The following CLOCK variants were observed in gnomAD, a reference collection of about 807,000 sequenced individuals.
CLOCK encodes the protein clock circadian regulator.
In CLOCK, 43 loss-of-function variants were observed where a neutral mutation model predicts 118.4. The ratio of observed to expected loss-of-function variants is 0.36; its 90% confidence interval spans 0.28 to 0.47. CLOCK has a LOEUF of 0.47. Among genes scored for constraint, CLOCK ranks in the 20% least tolerant of loss-of-function variants. The pLI, the probability that CLOCK is intolerant of heterozygous loss-of-function variation, is 1.00. For missense variants in CLOCK, 846 were observed against 999.9 expected, an observed-to-expected ratio of 0.85 and a Z score of 2.08; for synonymous variants, 326 against 339.2, an observed-to-expected ratio of 0.96 and a Z score of 0.43.
Position 55,476,068 on chromosome 4 carries a change from G to A in CLOCK, c.257-14C>T. The A allele has an allele frequency of 2.5e-6, 4 of 1,585,522 alleles. No homozygotes were observed. Among genetic ancestry groups the A allele is most frequent in the South Asian group, 1.1e-5 (1 of 90,288 alleles). On this transcript the variant is annotated splice_polypyrimidine_tract_variant and intron_variant, in intron 6 of 22. Coordinates refer to ENST00000513440, the MANE Select transcript of CLOCK (RefSeq NM_004898.4). ...GTGCAGTGATTTCTGTAAACAGATTGACATATTAGTGGCATACTCCAACCA... is the reference window on the plus strand; with the variant it reads ...GTGCAGTGATTTCTGTAAACAGATTAACATATTAGTGGCATACTCCAACCA...
At chr4:55,525,438 G>A (rs547105586) in intron 1 of CLOCK, among the ~76,000 whole-genome samples, 2 of 152,244 alleles carry the variant, frequency 1.3e-5, no homozygotes, top group East Asian at 1.9e-4. Context: ...TCACACCACT[G>A]CACTCCAGCC....
chr4:55,496,642 T>C (rs1360942777), intron 2 of CLOCK, among the ~76,000 whole-genome samples: 2 of 152,194 alleles, frequency 1.3e-5, no homozygotes, highest in Non-Finnish European at 2.9e-5. Context: ...ATGCAAATAA[T>C]GAAAAACTTG....
In CLOCK at chr4:55,463,796, C is replaced by G. The variant is rs757173076; in HGVS notation, c.448G>C (p.Val150Leu). 1.9e-6 allele frequency: 3 copies of G among 1,608,754 alleles called. No individual in the cohort carries two copies. The Admixed American group carries it at 5.0e-5, about 27-fold the overall frequency. ...ATAAAATTAAATATACTTTGATCCA[C>G]AAGATCAGACTGAAAAGAAAATTGT... Reference protein sequence around the residue: ...SLLEHLPSDLVDQSIFNFIPE... With the variant: ...SLLEHLPSDLLDQSIFNFIPE... The change falls in exon 9 of 23, where the codon GTG becomes CTG. Residue 150 changes from valine (V) to leucine (L), a missense_variant. Physicochemically the swap from Val to Leu is conservative, Grantham distance 32. Transcript: ENST00000513440.
intron 8 of CLOCK, among the ~76,000 whole-genome samples, chr4:55,470,430 C>T (rs536740486): frequency 2.8e-4 from 43 of 152,218 alleles, no homozygotes; most frequent in African/African-American, 8.7e-4. Flanking sequence ...GGTTACACAT[C>T]GAGGTTTTTA....
Position 55,522,504 on chromosome 4 carries a change from T to TA in CLOCK, c.-289-12440dup, listed in dbSNP as rs77210975. ...CAACCAGTAATAAACTGTTTTTTTT[T>TA]AAAAAAAAAAGAAGCATAAAGAACG... On this transcript the variant is annotated intron_variant, in intron 1 of 22. Transcript: ENST00000513440. Among the ~76,000 whole-genome samples, 402 of 147,944 alleles carry TA rather than the reference T, an allele frequency of 2.7e-3. 3 individuals are homozygous for TA. Among genetic ancestry groups the TA allele is most frequent in the Middle Eastern group, 0.017 (5 of 292 alleles).
chr4:55,465,808 T>C (rs1464961276), intron 8 of CLOCK, among the ~76,000 whole-genome samples: 2 of 151,968 alleles, frequency 1.3e-5, no homozygotes, highest in Non-Finnish European at 2.9e-5. Context: ...AAAAATTAGC[T>C]GGGCATGGTG....
Position 55,459,162 on chromosome 4 carries a change from T to G in CLOCK, c.659A>C (p.Lys220Thr). The change falls in exon 10 of 23, where the codon AAA becomes ACA. Residue 220 changes from lysine (K) to threonine (T), a missense_variant. This residue lies in a region of CLOCK where 246 missense variants were observed against 300.2 expected (regional missense o/e 0.82). Transcript: ENST00000513440. ...TTTTAACTCACCACTGTTTAAAGAT[T>G]TGAAATTTCCTATAAATTTTACATA... is the stretch of plus-strand genomic sequence containing the variant. Reference protein sequence around the residue: ...YEYVKFIGNFKSLNSVSSSAH... With the variant: ...YEYVKFIGNFTSLNSVSSSAH... The G allele has an allele frequency of 6.3e-7, 1 of 1,593,920 alleles. No individual in the cohort carries two copies.
intron 18 of CLOCK, among the ~76,000 whole-genome samples, chr4:55,447,133 G>A (rs185952867): frequency 5.9e-5 from 9 of 151,934 alleles, no homozygotes; most frequent in African/African-American, 1.9e-4. Context: ...TTGGGAGGCC[G>A]AGGTGGGCAG....
chr4:55,435,470 AGTTGCTGCT>A lies in CLOCK; in HGVS notation c.2477_2485del (p.Gln826_Gln828del). 1.2e-6 allele frequency: 2 copies of A among 1,613,996 alleles called. No individual in the cohort carries two copies. The highest frequency in any genetic ancestry group is 1.7e-6 in the Non-Finnish European group (2 of 1,179,932). ...CAAGCTGTCAGTCCTGTGCCGGCTG[AGTTGCTGCT>A]GTTGCTGAGACTGATGTTGCTGGTG... On this transcript the variant is annotated inframe_deletion, in exon 23 of 23. Transcript: ENST00000513440.
chr4:55,500,782 T>C (rs1353849179), intron 2 of CLOCK, among the ~76,000 whole-genome samples: 1 of 152,210 alleles, frequency 6.6e-6, no homozygotes, highest in Non-Finnish European at 1.5e-5. Flanking sequence ...AGAATCATTA[T>C]TTCATTAGGA....
rs139603129 is a variant in CLOCK, at chr4:55,490,425, G to A, written c.-135-960C>T. ...AGCAGATACAATAGTAGCAGGAGAT[G>A]TCAATACCCCACTTTCAATAATGGA... On this transcript the variant is annotated intron_variant, in intron 2 of 22. Transcript: ENST00000513440. Among the ~76,000 whole-genome samples the A allele has an allele frequency of 1.1e-4, 17 of 152,154 alleles. No individual in the cohort carries two copies. In the East Asian group the frequency reaches 3.3e-3, roughly 29 times the overall value.
chr4:55,528,844 T>C (rs10002541), intron 1 of CLOCK, among the ~76,000 whole-genome samples: 47,325 of 152,146 alleles, frequency 0.31, 7,624 homozygotes, highest in Middle Eastern at 0.41. Flanking sequence ...GGTGTCAATG[T>C]CAGTATCTGT....
intron 2 of CLOCK, among the ~76,000 whole-genome samples, chr4:55,495,932 T>C (rs1165102405): frequency 6.6e-6 from 1 of 152,144 alleles, no homozygotes; most frequent in East Asian, 1.9e-4. Context: ...CTCACACCTG[T>C]AATCCCAGCA....
At chr4:55,509,275 A>G (rs1048449402) in intron 2 of CLOCK, among the ~76,000 whole-genome samples, 10 of 152,240 alleles carry the variant, frequency 6.6e-5, no homozygotes, top group African/African-American at 1.7e-4. Flanking sequence ...GCCTAAAAGC[A>G]GTCATACACA....
rs1257575623 is a variant in CLOCK, at chr4:55,478,800, G to C, written c.256+15C>G. The C allele has an allele frequency of 1.9e-6, 3 of 1,609,866 alleles. No individual in the cohort carries two copies. The Admixed American group carries it at 5.0e-5, about 27-fold the overall frequency. The stretch of plus-strand genomic sequence containing the variant: ...CTTTGAGAGTCTGTTCCATTTTACA[G>C]AGTTAAAAATTTACCTTTATGTTTT... On this transcript the variant is annotated intron_variant, in intron 6 of 22. Transcript: ENST00000513440.
Position 55,463,721 on chromosome 4 carries a change from G to A in CLOCK, c.523C>T (p.Leu175=). 1.9e-6 allele frequency: 3 copies of A among 1,612,970 alleles called. No individual in the cohort carries two copies. The South Asian group carries it at 3.3e-5, about 18-fold the overall frequency. ...TCTGGGGTTAATGAATCACTTTCCAGCAGATGAGTAGAGAGTATTTTATAA... is the reference window on the plus strand; with the variant it reads ...TCTGGGGTTAATGAATCACTTTCCAACAGATGAGTAGAGAGTATTTTATAA... ...EVYKILSTHL[L]ESDSLTPEYL... Residue 175 remains leucine, a synonymous_variant, in exon 9 of 23, where the codon CTG becomes TTG. Coordinates refer to ENST00000513440, the MANE Select transcript of CLOCK (RefSeq NM_004898.4).
In CLOCK at chr4:55,442,522, G is replaced by C; in HGVS notation, c.2015C>G (p.Ala672Gly). The C allele has an allele frequency of 6.2e-7, 1 of 1,609,382 alleles. No homozygotes were observed. The highest frequency in any genetic ancestry group is 8.5e-7 in the Non-Finnish European group (1 of 1,179,252). ...YNTMVISQPA[A>G]GSMVQIPSSM... ...AGATGGAATCTGGACCATGCTTCCG[G>C]CTGCAGGCTGAGAAATCACCATAGT... The change falls in exon 21 of 23, where the codon GCC becomes GGC. Residue 672 changes from alanine to glycine, a missense_variant. Around this residue, in one of 4 missense-constraint regions of CLOCK, gnomAD observed 520 missense variants for 558.0 expected, o/e 0.93. Transcript: ENST00000513440.
chr4:55,434,679 G>A lies in CLOCK; in HGVS notation c.*736C>T, dbSNP rs1299145426. The A allele has an allele frequency of 2.0e-5, 3 of 152,508 alleles. No homozygotes were observed. Among genetic ancestry groups the A allele is most frequent in the African/African-American group, 4.8e-5 (2 of 41,402 alleles). 9.4% of individuals were successfully genotyped at this position (152,508 alleles called of 1,614,324 possible). On this transcript the variant is annotated 3_prime_UTR_variant, in exon 23 of 23. Coordinates refer to ENST00000513440, the MANE Select transcript of CLOCK (RefSeq NM_004898.4). ...CCAAAGTATGAACAAAAAAACTTGT[G>A]CCCCGGAAAAGTGAACAGAACACTA...
rs1408116767 is a variant in CLOCK, at chr4:55,453,751, C to G, written c.1056G>C (p.Gln352His). 3.1e-6 allele frequency: 5 copies of G among 1,610,648 alleles called. No individual in the cohort carries two copies. The highest frequency in any genetic ancestry group is 4.2e-6 in the Non-Finnish European group (5 of 1,178,000). ...LTKGQQWIWLQTHYYITYHQW... is the reference protein window; with the variant it reads ...LTKGQQWIWLHTHYYITYHQW... ...GATGGTAAGTGATATAATAATGAGT[C>G]TGAAGCCAAATCCACTGTTGCCCCT... is the stretch of plus-strand genomic sequence containing the variant. Residue 352 changes from glutamine (Q) to histidine (H), a missense_variant, in exon 14 of 23, where the codon CAG (glutamine) becomes CAC (histidine). Around this residue, in one of 4 missense-constraint regions of CLOCK, gnomAD observed 66 missense variants for 99.4 expected, o/e 0.66. Transcript: ENST00000513440.
Sources: gnomAD v4.1 joint callset for allele counts (sites outside exome capture counted in the v4.1 genomes callset) on GRCh38, gnomAD v4.1.1 for gene constraint, gnomAD v4.1.1 regional missense constraint, MANE v1.5 for transcripts, NCBI Gene and HGNC (gene_info 2026-07-23, HGNC 2026-07-21) for gene names.